The following ARHGAP10 variants were observed in gnomAD, a reference collection of about 807,000 sequenced individuals.
ARHGAP10 encodes the protein Rho GTPase activating protein 10, also known as rho GTPase-activating protein 10.
In ARHGAP10, 87 loss-of-function variants were observed where a neutral mutation model predicts 108.6. That is an observed-to-expected ratio of 0.80 (90% CI 0.67 to 0.96). The LOEUF is 0.96. Ranked by LOEUF, ARHGAP10 falls within the 40% of genes least tolerant of loss-of-function variation. The pLI is 0.00. For missense variants in ARHGAP10, 939 were observed against 954.5 expected (o/e 0.98, Z 0.21); for synonymous variants, 347 against 341.1 (o/e 1.02, Z -0.19).
chr4:148,010,049 G>C (rs1741111343), intron 18 of ARHGAP10, among the ~76,000 whole-genome samples: 1 of 152,054 alleles, frequency 6.6e-6, no homozygotes, highest in African/African-American at 2.4e-5. Context: ...ATAGATGTCT[G>C]TGTTTTGGTC....
At chr4:147,831,971 G>A (rs2126798196) in intron 3 of ARHGAP10, among the ~76,000 whole-genome samples, 2 of 152,224 alleles carry the variant, frequency 1.3e-5, no homozygotes, top group Middle Eastern at 6.8e-3. Flanking sequence ...GTCATCATCA[G>A]ATTCTACTTC....
At chr4:147,946,470 T>C in intron 14 of ARHGAP10, 147 bp from the exon 15 acceptor site, 1 of 603,048 alleles carries the variant, frequency 1.7e-6, no homozygotes, top group Non-Finnish European at 2.8e-6. Flanking sequence ...CTTATAGTAT[T>C]TTAGAGAAAT....
rs570106376 is a variant in ARHGAP10, at chr4:147,906,913, A to G, written c.1116+194A>G. On this transcript the variant is annotated intron_variant, in intron 11 of 22. Coordinates refer to ENST00000336498, the MANE Select transcript of ARHGAP10 (RefSeq NM_024605.4). ...GCAGTACATATAAGACTAGTGTATC[A>G]TTAGTTTTTATTTCTGTATTTTCTT... 7.7e-4 allele frequency among the ~76,000 whole-genome samples: 118 copies of G among 152,322 alleles called. 1 individual carries two copies. The highest frequency in any genetic ancestry group is 1.2e-3 in the Non-Finnish European group (81 of 68,024).
intron 19 of ARHGAP10, among the ~76,000 whole-genome samples, chr4:148,043,614 A>AATATAATATATATATATAT (rs1728728251): frequency 1.8e-5 from 1 of 54,978 alleles, no homozygotes; most frequent in Non-Finnish European, 4.0e-5. Context: ...CCCTCTCTCT[A>AATATAATATATATATATAT]ATATATATAT....
At chr4:147,898,603 G>T (rs563495692) in intron 10 of ARHGAP10, among the ~76,000 whole-genome samples, 12 of 151,818 alleles carry the variant, frequency 7.9e-5, no homozygotes, top group African/African-American at 2.7e-4. Flanking sequence ...TTTGGGATTC[G>T]AATTACCTTA....
At chr4:147,852,104 T>G (rs1298081640) in intron 4 of ARHGAP10, among the ~76,000 whole-genome samples, 11 of 152,150 alleles carry the variant, frequency 7.2e-5, no homozygotes. Flanking sequence ...ATAGAGTAAT[T>G]TTATTATCCC....
intron 18 of ARHGAP10, among the ~76,000 whole-genome samples, chr4:148,013,951 A>G (rs1433234571): frequency 1.3e-5 from 2 of 152,098 alleles, no homozygotes; most frequent in East Asian, 1.9e-4. Flanking sequence ...TACATTTACT[A>G]CTTTTTGATC....
intron 1 of ARHGAP10, among the ~76,000 whole-genome samples, chr4:147,741,383 A>G (rs993539373): frequency 6.6e-6 from 1 of 152,202 alleles, no homozygotes; most frequent in Non-Finnish European, 1.5e-5. Context: ...TCAGGACTAT[A>G]TGAGAACTGG....
At chr4:147,873,681 A>AAAACACACACAC (rs749604498) in intron 7 of ARHGAP10, among the ~76,000 whole-genome samples, 2 of 98,720 alleles carry the variant, frequency 2.0e-5, no homozygotes, top group African/African-American at 7.2e-5. Flanking sequence ...CAAAAAACAA[A>AAAACACACACAC]ACACACACAC....
chr4:147,875,252 C>T (rs988856649), intron 8 of ARHGAP10, 102 bp downstream of exon 8: 26 of 1,259,914 alleles, frequency 2.1e-5, no homozygotes, highest in Non-Finnish European at 2.7e-5. Context: ...GCAATTATTC[C>T]TACCTCTTTC....
intron 5 of ARHGAP10, chr4:147,862,250 G>A (rs1040001710): frequency 2.0e-5 from 3 of 152,784 alleles, no homozygotes; most frequent in Admixed American, 1.3e-4. Flanking sequence ...ACAGTACCTG[G>A]GCTTGGCTAC....
intron 19 of ARHGAP10, among the ~76,000 whole-genome samples, chr4:148,043,256 A>G (rs1256658893): frequency 6.6e-6 from 1 of 151,920 alleles, no homozygotes; most frequent in Non-Finnish European, 1.5e-5. Context: ...GCGGTAGTTC[A>G]TTTTCCAGAG....
intron 1 of ARHGAP10, among the ~76,000 whole-genome samples, chr4:147,818,666 A>T (rs532729602): frequency 3.3e-5 from 5 of 152,128 alleles, no homozygotes; most frequent in African/African-American, 1.2e-4. Context: ...TAACTAACTT[A>T]GTCAGAAACT....
intron 1 of ARHGAP10, among the ~76,000 whole-genome samples, chr4:147,782,934 A>T (rs1730600529): frequency 7.1e-6 from 1 of 140,582 alleles, no homozygotes. Flanking sequence ...ATAATATATA[A>T]AATTATATAT....
chr4:147,767,464 T>A (rs917450015), intron 1 of ARHGAP10, among the ~76,000 whole-genome samples: 2 of 152,052 alleles, frequency 1.3e-5, no homozygotes, highest in African/African-American at 2.4e-5. Context: ...TTGAAAAACA[T>A]TGTGAGGACT....
At chr4:147,812,358 G>A (rs1405407609) in intron 1 of ARHGAP10, among the ~76,000 whole-genome samples, 1 of 152,204 alleles carries the variant, frequency 6.6e-6, no homozygotes, top group Non-Finnish European at 1.5e-5. Flanking sequence ...ATGCTCTAGG[G>A]TGCTGTGGAT....
At chr4:147,963,065 C>A (rs372096246) in intron 16 of ARHGAP10, among the ~76,000 whole-genome samples, 240 of 152,290 alleles carry the variant, frequency 1.6e-3, no homozygotes, top group African/African-American at 5.1e-3. Flanking sequence ...ATCAGGCATA[C>A]CTTCCCCAAA....
At chr4:147,954,022 T>C (rs1189139259) in intron 15 of ARHGAP10, among the ~76,000 whole-genome samples, 1 of 152,226 alleles carries the variant, frequency 6.6e-6, no homozygotes. Context: ...CTTTCTGTTA[T>C]TGATTTTTAA....
At chr4:147,877,700 C>G (rs1254447936) in intron 8 of ARHGAP10, among the ~76,000 whole-genome samples, 1 of 152,078 alleles carries the variant, frequency 6.6e-6, no homozygotes, top group Non-Finnish European at 1.5e-5. Context: ...CAGCATTGTC[C>G]TGTGAGCCCT....
Sources: allele counts gnomAD v4.1 joint callset (sites outside exome capture counted in the v4.1 genomes callset), GRCh38; gene constraint gnomAD v4.1.1; transcripts MANE v1.5; gene names NCBI Gene and HGNC (gene_info 2026-07-23, HGNC 2026-07-21).